GJC3: variants seen among roughly 807,000 people sequenced by gnomAD.
GJC3 encodes gap junction gamma-3 protein.
In GJC3, 17 loss-of-function variants were observed where a neutral mutation model predicts 19.8. That is an observed-to-expected ratio of 0.86 (90% CI 0.59 to 1.29). The LOEUF (loss-of-function observed/expected upper bound fraction) is 1.29, where lower values mean the gene tolerates loss of function less well. Ranked by LOEUF, GJC3 falls within the 50% of genes most tolerant of loss-of-function variation. GJC3 has a pLI of 0.00. For synonymous variants in GJC3, 140 were observed against 136.5 expected (o/e 1.03, Z -0.18); for missense variants, 317 against 332.5 (o/e 0.95, Z 0.36).
chr7:99,929,506 T>G lies in GJC3; in HGVS notation c.115A>C (p.Ser39Arg). ...LGFRLVLLAA[S>R]GPGVYGDEQS... ...TCATCACCATAGACTCCAGGCCCAC[T>G]GGCAGCCAGCAGCACAAGGCGGAAT... Residue 39 changes from serine to arginine, a missense_variant, in exon 1 of 2, where the codon AGT (serine) becomes CGT (arginine). Physicochemically the swap from Ser to Arg is moderately radical, Grantham distance 110. Coordinates refer to ENST00000312891, the MANE Select transcript of GJC3 (RefSeq NM_181538.3). 1 of 1,614,132 alleles carries G rather than the reference T, an allele frequency of 6.2e-7. No homozygotes were observed. Among genetic ancestry groups the G allele is most frequent in the Non-Finnish European group, 8.5e-7 (1 of 1,180,036 alleles).
At chr7:99,928,767 T>A in intron 1 of GJC3, 73 bp downstream of exon 1, 1 of 1,433,938 alleles carries the variant, frequency 7.0e-7, no homozygotes, top group South Asian at 1.2e-5. Context: ...CCCAGAAAGG[T>A]GAGGGACCTG....
chr7:99,929,689 T>A (rs1433692742), upstream of GJC3: 11 of 1,441,496 alleles, frequency 7.6e-6, no homozygotes, highest in East Asian at 2.7e-4. Flanking sequence ...CCAGTCCACC[T>A]TGTCACTCCT....
chr7:99,926,060 G>T (rs983695882), intron 1 of GJC3, among the ~76,000 whole-genome samples: 2 of 152,226 alleles, frequency 1.3e-5, no homozygotes, highest in African/African-American at 4.8e-5. Context: ...GGGGCCAGGT[G>T]TGGTGGCTCA....
chr7:99,926,928 C>CCTTTGGTTTT (rs1203651275), intron 1 of GJC3, among the ~76,000 whole-genome samples: 1 of 152,194 alleles, frequency 6.6e-6, no homozygotes, highest in Admixed American at 6.5e-5. Flanking sequence ...TTATTGAAAA[C>CCTTTGGTTTT]CAAAGTACAC....
At chr7:99,927,288 C>T (rs1819822266) in intron 1 of GJC3, among the ~76,000 whole-genome samples, 1 of 152,234 alleles carries the variant, frequency 6.6e-6, no homozygotes, top group Non-Finnish European at 1.5e-5. Context: ...CCTCCAGAAC[C>T]TATTCTCCTG....
intron 1 of GJC3, among the ~76,000 whole-genome samples, chr7:99,924,170 G>T (rs1026347398): frequency 2.0e-5 from 3 of 152,230 alleles, no homozygotes; most frequent in Admixed American, 2.0e-4. Context: ...GCTCATCACT[G>T]TTGATGTTAA....
At position 99,929,282 on chromosome 7, in the gene GJC3, C is replaced by A; in HGVS notation, c.339G>T (p.Glu113Asp). 1.2e-6 allele frequency: 2 copies of A among 1,614,168 alleles called. No individual in the cohort carries two copies. Among genetic ancestry groups the A allele is most frequent in the Non-Finnish European group, 1.7e-6 (2 of 1,180,026 alleles). The change falls in exon 1 of 2, where the codon GAG (glutamate) becomes GAT (aspartate). Residue 113 changes from glutamate to aspartate, a missense_variant. By Grantham distance (45) the Glu-to-Asp change is conservative. Coordinates refer to ENST00000312891, the MANE Select transcript of GJC3 (RefSeq NM_181538.3). ...TGCCCTCCCGTCCCTGGATCAGGGTCTCCTCCTCCTTCCCCTTTCCTGATA... is the reference window on the plus strand; with the variant it reads ...TGCCCTCCCGTCCCTGGATCAGGGTATCCTCCTCCTTCCCCTTTCCTGATA... The part of the protein sequence containing the change: ...WELSGKGKEE[E>D]TLIQGREGNT...
Position 99,929,397 on chromosome 7 carries a change from C to G in GJC3, c.224G>C (p.Arg75Pro), listed in dbSNP as rs1417636219. ...FDAFHPLSPL[R>P]FWVFQVILVA... ...CAAGATGACCTGGAAGACCCAGAAA[C>G]GCAGCGGGGAGAGGGGGTGGAAGGC... The change falls in exon 1 of 2, where the codon CGT becomes CCT. Residue 75 changes from arginine (R) to proline (P), a missense_variant. Coordinates refer to ENST00000312891, the MANE Select transcript of GJC3 (RefSeq NM_181538.3). The G allele has an allele frequency of 4.3e-6, 7 of 1,614,022 alleles. No homozygotes were observed. Among genetic ancestry groups the G allele is most frequent in the Non-Finnish European group, 5.9e-6 (7 of 1,180,014 alleles).
In GJC3 at chr7:99,929,537, G is replaced by T. The variant is rs1460198363; in HGVS notation, c.84C>A (p.Leu28=). The T allele has an allele frequency of 6.2e-7, 1 of 1,613,944 alleles. No individual in the cohort carries two copies. Among genetic ancestry groups the T allele is most frequent in the Non-Finnish European group, 8.5e-7 (1 of 1,180,042 alleles). The change falls in exon 1 of 2, where the codon CTC becomes CTA. Residue 28 remains leucine (L), a synonymous_variant. Coordinates refer to ENST00000312891, the MANE Select transcript of GJC3 (RefSeq NM_181538.3). The part of the protein sequence containing the change: ...TPVGRLLLPV[L]LGFRLVLLAA... ...CCAGCAGCACAAGGCGGAATCCCAG[G>T]AGCACGGGAAGCAAGAGGCGCCCCA...
intron 1 of GJC3, among the ~76,000 whole-genome samples, chr7:99,926,220 G>A (rs1819796925): frequency 6.6e-6 from 1 of 152,072 alleles, no homozygotes; most frequent in Admixed American, 6.6e-5. Flanking sequence ...TGTAGTCCCA[G>A]GTACTCAGGA....
chr7:99,930,709 C>G (rs1048810992), upstream of GJC3, among the ~76,000 whole-genome samples: 1 of 152,198 alleles, frequency 6.6e-6, no homozygotes, highest in Non-Finnish European at 1.5e-5. Context: ...AGTAGTCCCC[C>G]CTCTTATCTG....
At chr7:99,930,112 C>T (rs1819875023), upstream of GJC3, among the ~76,000 whole-genome samples, 1 of 152,214 alleles carries the variant, frequency 6.6e-6, no homozygotes, top group Admixed American at 6.5e-5. Context: ...CATTCTCTTG[C>T]GGTCTTCTTT....
intron 1 of GJC3, among the ~76,000 whole-genome samples, chr7:99,925,105 G>C (rs1584281307): frequency 6.6e-6 from 1 of 152,208 alleles, no homozygotes; most frequent in Admixed American, 6.5e-5. Flanking sequence ...ACAACAGGGT[G>C]ATTACAGTCA....
Position 99,928,945 on chromosome 7 carries a change from A to G in GJC3, c.676T>C (p.Ser226Pro). 1 of 1,614,140 alleles carries G rather than the reference A, an allele frequency of 6.2e-7. No individual in the cohort carries two copies. Among genetic ancestry groups the G allele is most frequent in the South Asian group, 1.1e-5 (1 of 91,080 alleles). The stretch of plus-strand genomic sequence containing the variant: ...GTTAGGAAGTATTTAGAAGAGGAAG[A>G]TTTGTGCTTCCAGGTCCTCCACCAT... ...GRWWRTWKHK[S>P]SSSKYFLTSE... The change falls in exon 1 of 2, where the codon TCT becomes CCT. Residue 226 changes from serine to proline, a missense_variant. Ser to Pro is a moderately conservative substitution (Grantham distance 74). Transcript: ENST00000312891.
rs780705941 is a variant in GJC3, at chr7:99,929,403, G to A, written c.218C>T (p.Pro73Leu). Residue 73 changes from proline to leucine, a missense_variant, in exon 1 of 2, where the codon CCG becomes CTG. Coordinates refer to ENST00000312891, the MANE Select transcript of GJC3 (RefSeq NM_181538.3). ...GACCTGGAAGACCCAGAAACGCAGC[G>A]GGGAGAGGGGGTGGAAGGCATCGAA... ...ACFDAFHPLSPLRFWVFQVIL... is the reference protein window; with the variant it reads ...ACFDAFHPLSLLRFWVFQVIL... The A allele has an allele frequency of 8.1e-6, 13 of 1,614,010 alleles. No homozygotes were observed. The East Asian group carries it at 1.1e-4, about 14-fold the overall frequency.
chr7:99,927,614 T>A (rs1014823755), intron 1 of GJC3, among the ~76,000 whole-genome samples: 7 of 148,914 alleles, frequency 4.7e-5, no homozygotes, highest in Admixed American at 1.3e-4. Context: ...AAGAGAAAAC[T>A]AAGAAAAGAG....
rs1334406563 is a variant in GJC3, at chr7:99,929,564, G to T, written c.57C>A (p.Pro19=). The stretch of plus-strand genomic sequence containing the variant: ...GCACGGGAAGCAAGAGGCGCCCCAC[G>T]GGGGTGGAGCGCCGGCTCTCCTCCG... ...LLAEESRRST[P]VGRLLLPVLL... The change falls in exon 1 of 2, where the codon CCC becomes CCA. Residue 19 remains proline (P), a synonymous_variant. Transcript: ENST00000312891. 4 of 1,612,464 alleles carry T rather than the reference G, an allele frequency of 2.5e-6. No individual in the cohort carries two copies. Among genetic ancestry groups the T allele is most frequent in the Middle Eastern group, 1.6e-4 (1 of 6,062 alleles).
chr7:99,924,623 G>A (rs1419012836), intron 1 of GJC3, among the ~76,000 whole-genome samples: 2 of 152,118 alleles, frequency 1.3e-5, no homozygotes, highest in East Asian at 3.8e-4. Context: ...TCCTTGCGGT[G>A]GAGTATCTAC....
At position 99,923,529 on chromosome 7, in the gene GJC3, A is replaced by G. The variant is rs773554263; in HGVS notation, c.*16T>C. The G allele has an allele frequency of 2.6e-6, 2 of 780,570 alleles. No individual in the cohort carries two copies. Among genetic ancestry groups the G allele is most frequent in the Non-Finnish European group, 4.8e-6 (2 of 418,128 alleles). 48.4% of individuals were successfully genotyped at this position (780,570 alleles called of 1,614,324 possible). ...AGTATGGTGATGAGGAAAGTTGGCC[A>G]AAGTTCATCTCCAACTCAGGCATCT... On this transcript the variant is annotated 3_prime_UTR_variant, in exon 2 of 2. Transcript: ENST00000312891.
Sources: allele counts gnomAD v4.1 joint callset (sites outside exome capture counted in the v4.1 genomes callset), GRCh38; gene constraint gnomAD v4.1.1; transcripts MANE v1.5; gene names NCBI Gene and HGNC (gene_info 2026-07-23, HGNC 2026-07-21).